NCAM2: variants seen among roughly 807,000 people sequenced by gnomAD.
NCAM2 encodes N-CAM-2.
Under a neutral mutation model 98.1 loss-of-function variants are expected in NCAM2, and 30 were observed. The observed-to-expected ratio is 0.31, with a 90% CI of 0.23 to 0.41. The LOEUF (loss-of-function observed/expected upper bound fraction) is 0.41. Among genes scored for constraint, NCAM2 ranks in the 10% least tolerant of loss-of-function variants. The probability of loss-of-function intolerance (pLI) is 1.00; values close to 1 mark genes in which losing one functional copy is unlikely to be tolerated. For missense variants in NCAM2, 867 were observed against 1,005.8 expected (o/e 0.86, Z 1.87); for synonymous variants, 368 against 342.4 (o/e 1.07, Z -0.83).
At chr21:21,164,547 CA>C (rs2067890001) in intron 1 of NCAM2, among the ~76,000 whole-genome samples, 1 of 152,100 alleles carries the variant, frequency 6.6e-6, no homozygotes, top group Admixed American at 6.6e-5. Flanking sequence ...TCAAATGAGT[CA>C]AAATCTGTGT....
At chr21:21,463,609 T>C (rs1240780535) in intron 12 of NCAM2, 1 of 152,088 alleles carries the variant, frequency 6.6e-6, no homozygotes, top group African/African-American at 2.4e-5. Flanking sequence ...CCAACTGATG[T>C]GAAACTCGGT....
At chr21:21,467,988 T>C (rs1983946460) in intron 13 of NCAM2, among the ~76,000 whole-genome samples, 1 of 152,042 alleles carries the variant, frequency 6.6e-6, no homozygotes. Context: ...TCTTGGCCCT[T>C]CACATAGAAA....
intron 1 of NCAM2, among the ~76,000 whole-genome samples, chr21:21,010,121 G>A (rs1289386162): frequency 6.6e-6 from 1 of 151,986 alleles, no homozygotes; most frequent in African/African-American, 2.4e-5. Context: ...GAAATTACTA[G>A]TGCTTCTGAT....
chr21:21,382,903 G>A (rs232423), intron 9 of NCAM2, among the ~76,000 whole-genome samples: 57,397 of 151,520 alleles, frequency 0.38, 11,190 homozygotes, highest in East Asian at 0.58. Flanking sequence ...TTTTTACTGA[G>A]AAGTCCTATA....
At chr21:21,399,653 A>G (rs1226744152) in intron 9 of NCAM2, among the ~76,000 whole-genome samples, 1 of 152,146 alleles carries the variant, frequency 6.6e-6, no homozygotes, top group African/African-American at 2.4e-5. Context: ...CGTGAGTTTT[A>G]TAGTGAGTTA....
intron 1 of NCAM2, among the ~76,000 whole-genome samples, chr21:21,146,731 T>C (rs1047800370): frequency 5.5e-4 from 83 of 152,092 alleles, no homozygotes; most frequent in Non-Finnish European, 4.4e-5. Context: ...AAACATACAT[T>C]ATTCATGCTA....
At chr21:21,031,245 G>T (rs933224842) in intron 1 of NCAM2, among the ~76,000 whole-genome samples, 10 of 152,034 alleles carry the variant, frequency 6.6e-5, no homozygotes, top group African/African-American at 2.2e-4. Context: ...TTTCAAGTTT[G>T]CCATTTTATA....
At chr21:21,142,658 C>T (rs1188765411) in intron 1 of NCAM2, among the ~76,000 whole-genome samples, 2 of 152,050 alleles carry the variant, frequency 1.3e-5, no homozygotes, top group African/African-American at 2.4e-5. Flanking sequence ...GGATTACAGG[C>T]GTGAGCCACT....
intron 5 of NCAM2, 85 bp from the exon 6 acceptor site, chr21:21,324,298 A>G: frequency 2.2e-6 from 2 of 913,352 alleles, no homozygotes; most frequent in South Asian, 3.7e-5. Context: ...GACATTTGAA[A>G]GCTTAAAATG....
At chr21:21,317,873 C>A (rs909286622) in intron 5 of NCAM2, among the ~76,000 whole-genome samples, 1 of 152,052 alleles carries the variant, frequency 6.6e-6, no homozygotes, top group Non-Finnish European at 1.5e-5. Flanking sequence ...TATTCTAGTC[C>A]ATTTTGTACC....
intron 1 of NCAM2, among the ~76,000 whole-genome samples, chr21:21,008,327 G>A (rs2064147694): frequency 6.6e-6 from 1 of 152,014 alleles, no homozygotes; most frequent in Non-Finnish European, 1.5e-5. Context: ...CTTTACACCA[G>A]GTAAAACTTG....
At chr21:21,435,537 G>A (rs1359698313) in intron 12 of NCAM2, among the ~76,000 whole-genome samples, 1 of 152,122 alleles carries the variant, frequency 6.6e-6, no homozygotes, top group Non-Finnish European at 1.5e-5. Context: ...GGGCATGGGA[G>A]TTAATTCTCA....
In NCAM2 at chr21:21,281,496, A is replaced by G. The variant is rs142385718; in HGVS notation, c.130+844A>G. Among the ~76,000 whole-genome samples, 202 of 152,272 alleles carry G rather than the reference A, an allele frequency of 1.3e-3. 1 individual carries two copies. The highest frequency in any genetic ancestry group is 8.1e-3 in the East Asian group (42 of 5,184). ...AATCATATGTCATCATGCCTATGGC[A>G]TATTTTATGGGCCTCATTCAGAATA... is the stretch of plus-strand genomic sequence containing the variant. On this transcript the variant is annotated intron_variant, in intron 2 of 17. Transcript: ENST00000400546.
chr21:21,289,626 A>T (rs755154195), intron 4 of NCAM2, among the ~76,000 whole-genome samples: 2 of 151,936 alleles, frequency 1.3e-5, no homozygotes, highest in African/African-American at 4.8e-5. Flanking sequence ...AGAACTTATT[A>T]ATAAGTGCAA....
At position 21,297,625 on chromosome 21, in the gene NCAM2, A is replaced by T. The variant is rs1047700944; in HGVS notation, c.619+5384A>T. On this transcript the variant is annotated intron_variant, in intron 5 of 17. Transcript: ENST00000400546. ...AAACATGCCCACTTACACATCATGG[A>T]TACGCTTTTCTAAAAGAGGATTAAT... Among the ~76,000 whole-genome samples the T allele has an allele frequency of 1.5e-4, 23 of 151,688 alleles. No homozygotes were observed. In the Admixed American group the frequency reaches 1.5e-3, roughly 10 times the overall value.
At chr21:21,421,314 A>G (rs890746057) in intron 11 of NCAM2, among the ~76,000 whole-genome samples, 1 of 151,494 alleles carries the variant, frequency 6.6e-6, no homozygotes, top group African/African-American at 2.4e-5. Context: ...ATATTAAATT[A>G]CTGAGTTTTC....
At chr21:21,181,346 A>G (rs1186422818) in intron 1 of NCAM2, among the ~76,000 whole-genome samples, 2 of 152,114 alleles carry the variant, frequency 1.3e-5, no homozygotes, top group Non-Finnish European at 2.9e-5. Flanking sequence ...TTTGTAGTCC[A>G]TAAATAATCT....
chr21:21,415,684 G>A (rs983202361), intron 10 of NCAM2, among the ~76,000 whole-genome samples: 20 of 152,082 alleles, frequency 1.3e-4, no homozygotes, highest in Non-Finnish European at 1.5e-5. Flanking sequence ...ATCAGCACTT[G>A]CTGCTCCACC....
At chr21:21,218,290 G>A (rs1322321731) in intron 1 of NCAM2, among the ~76,000 whole-genome samples, 8 of 152,106 alleles carry the variant, frequency 5.3e-5, no homozygotes, top group Non-Finnish European at 1.5e-5. Context: ...AGCATATTTT[G>A]AAATAGAAAT....
Sources: allele counts gnomAD v4.1 joint callset (sites outside exome capture counted in the v4.1 genomes callset), GRCh38; gene constraint gnomAD v4.1.1; transcripts MANE v1.5; gene names NCBI Gene and HGNC (gene_info 2026-07-23, HGNC 2026-07-21).